PRR16: variants seen among roughly 807,000 people sequenced by gnomAD.
PRR16 encodes the protein protein Largen.
In PRR16, 6 loss-of-function variants were observed where a neutral mutation model predicts 18.2. That is an observed-to-expected ratio of 0.33 (90% CI 0.18 to 0.65). The LOEUF is 0.65. Among genes scored for constraint, PRR16 ranks in the 30% least tolerant of loss-of-function variants. The pLI is 0.74. For synonymous variants in PRR16, 151 were observed against 147.8 expected, an observed-to-expected ratio of 1.02 and a Z score of -0.16; for missense variants, 412 against 376.6, an observed-to-expected ratio of 1.09 and a Z score of -0.78.
the PRR16 span, among the ~76,000 whole-genome samples, chr5:120,768,861 A>C: frequency 6.6e-6 from 1 of 151,736 alleles, no homozygotes; most frequent in Admixed American, 6.6e-5. Flanking sequence ...TCTTCAGTGG[A>C]TATACTTTTA....
At chr5:120,753,261 C>T in the PRR16 span, among the ~76,000 whole-genome samples, 3 of 151,986 alleles carry the variant, frequency 2.0e-5, no homozygotes, top group Non-Finnish European at 2.9e-5. Context: ...ATCTGACAAT[C>T]AGTCACTCAT....
intron 1 of PRR16, among the ~76,000 whole-genome samples, chr5:120,498,402 A>G (rs1750332254): frequency 6.7e-6 from 1 of 150,358 alleles, no homozygotes; most frequent in South Asian, 2.1e-4. Context: ...TTGTATTGCC[A>G]TTTTGTCAGT....
intron 1 of PRR16, among the ~76,000 whole-genome samples, chr5:120,611,948 G>A (rs1293320436): frequency 1.3e-5 from 2 of 152,176 alleles, no homozygotes; most frequent in African/African-American, 4.8e-5. Flanking sequence ...GAGGGAGGCT[G>A]TACCCTGCAC....
the PRR16 span, among the ~76,000 whole-genome samples, chr5:120,747,772 A>T: frequency 6.6e-6 from 1 of 152,036 alleles, no homozygotes; most frequent in Non-Finnish European, 1.5e-5. Context: ...GGAAGGAAGG[A>T]AGGAGAAAAA....
chr5:120,580,911 C>T (rs1330151373), intron 1 of PRR16, among the ~76,000 whole-genome samples: 1 of 152,190 alleles, frequency 6.6e-6, no homozygotes, highest in African/African-American at 2.4e-5. Flanking sequence ...GGATGTGCTG[C>T]TGGATTTGGT....
intron 1 of PRR16, among the ~76,000 whole-genome samples, chr5:120,540,487 G>T (rs1751876202): frequency 6.6e-6 from 1 of 152,076 alleles, no homozygotes. Flanking sequence ...TGTACCATGT[G>T]CCCCTAGGCA....
At chr5:120,500,668 AT>A (rs1196320387) in intron 1 of PRR16, among the ~76,000 whole-genome samples, 1 of 152,230 alleles carries the variant, frequency 6.6e-6, no homozygotes, top group Non-Finnish European at 1.5e-5. Flanking sequence ...AAATTAGATA[AT>A]GGAAACACCA....
chr5:120,552,474 T>G (rs961041100), intron 1 of PRR16, among the ~76,000 whole-genome samples: 3 of 151,966 alleles, frequency 2.0e-5, no homozygotes, highest in Non-Finnish European at 4.4e-5. Flanking sequence ...TTTTACTATT[T>G]AGAATTTATC....
intron 1 of PRR16, among the ~76,000 whole-genome samples, chr5:120,601,518 C>A (rs1324081962): frequency 6.6e-6 from 1 of 151,980 alleles, no homozygotes; most frequent in East Asian, 1.9e-4. Context: ...TATGCGTTGA[C>A]TGTTTACTCT....
chr5:120,786,777 ACT>A, the PRR16 span, among the ~76,000 whole-genome samples: 1 of 151,978 alleles, frequency 6.6e-6, no homozygotes, highest in Non-Finnish European at 1.5e-5. Flanking sequence ...TACTGCCCTT[ACT>A]GCATAGAAAT....
At chr5:120,751,477 T>G in the PRR16 span, among the ~76,000 whole-genome samples, 2 of 152,096 alleles carry the variant, frequency 1.3e-5, no homozygotes. Context: ...CCACTTTAAC[T>G]GCAGTGAGAC....
intron 1 of PRR16, among the ~76,000 whole-genome samples, chr5:120,572,860 A>G (rs1752951038): frequency 2.0e-5 from 3 of 152,158 alleles, no homozygotes; most frequent in African/African-American, 7.2e-5. Context: ...TGCTGATTGC[A>G]TAAGATGAGG....
At chr5:120,512,842 G>A (rs535673666) in intron 1 of PRR16, among the ~76,000 whole-genome samples, 155 of 152,180 alleles carry the variant, frequency 1.0e-3, no homozygotes, top group African/African-American at 2.4e-3. Flanking sequence ...AGAGAGGAGC[G>A]CAGGCGTGTT....
the PRR16 span, among the ~76,000 whole-genome samples, chr5:120,733,690 A>G: frequency 1.3e-5 from 2 of 152,308 alleles, no homozygotes; most frequent in East Asian, 3.9e-4. Context: ...TTCAAACTGT[A>G]ATTAATACAG....
chr5:120,644,162 C>A (rs185668461), intron 1 of PRR16, among the ~76,000 whole-genome samples: 19 of 152,182 alleles, frequency 1.2e-4, no homozygotes, highest in Admixed American at 9.2e-4. Context: ...GTTTCTACTT[C>A]AGGTAAACAG....
the PRR16 span, among the ~76,000 whole-genome samples, chr5:120,717,866 C>T: frequency 1.5e-4 from 23 of 152,218 alleles, no homozygotes; most frequent in East Asian, 3.7e-3. Flanking sequence ...CTTTTAATAT[C>T]CGAATCTAAA....
At chr5:120,661,438 C>A (rs980522460) in intron 1 of PRR16, among the ~76,000 whole-genome samples, 4 of 151,794 alleles carry the variant, frequency 2.6e-5, no homozygotes, top group African/African-American at 9.7e-5. Flanking sequence ...TATTGGAACA[C>A]GTTGTATAAT....
the PRR16 span, among the ~76,000 whole-genome samples, chr5:120,754,324 TATATGTTATATATAA>T: frequency 1.7e-5 from 1 of 60,298 alleles, no homozygotes; most frequent in Non-Finnish European, 2.7e-5. Flanking sequence ...ATATAAATAT[TATATGTTATATATAA>T]ATATATGTTA....
At chr5:120,574,474 T>C (rs1198835018) in intron 1 of PRR16, among the ~76,000 whole-genome samples, 1 of 151,828 alleles carries the variant, frequency 6.6e-6, no homozygotes, top group Non-Finnish European at 1.5e-5. Flanking sequence ...CATGGTGGCA[T>C]GCACCTGTAA....
Sources: allele counts gnomAD v4.1 joint callset (sites outside exome capture counted in the v4.1 genomes callset), GRCh38; gene constraint gnomAD v4.1.1; transcripts MANE v1.5; gene names NCBI Gene and HGNC (gene_info 2026-07-23, HGNC 2026-07-21).